The following CSGALNACT1 variants were observed in gnomAD, a reference collection of about 807,000 sequenced individuals.
CSGALNACT1 encodes chondroitin sulfate N-acetylgalactosaminyltransferase 1, also known as beta4GalNAcT-1.
CSGALNACT1 carries 52 observed loss-of-function variants against 51.0 expected under a neutral mutation model. That is an observed-to-expected ratio of 1.02 (90% CI 0.82 to 1.29). CSGALNACT1 has a LOEUF of 1.29. Among genes scored for constraint, CSGALNACT1 ranks in the 50% most tolerant of loss-of-function variants. The probability of loss-of-function intolerance (pLI) is 0.00; values close to 1 mark genes in which losing one functional copy is unlikely to be tolerated. For missense variants in CSGALNACT1, 935 were observed against 679.2 expected (o/e 1.38, Z -4.19); for synonymous variants, 341 against 254.4 (o/e 1.34, Z -3.24).
chr8:19,460,270 A>C (rs1206677982), intron 4 of CSGALNACT1, among the ~76,000 whole-genome samples: 1 of 152,110 alleles, frequency 6.6e-6, no homozygotes, highest in Non-Finnish European at 1.5e-5. Flanking sequence ...AGAGAGAGAG[A>C]GAGAGAAAGA....
At chr8:19,509,775 A>C (rs2078100467) in intron 3 of CSGALNACT1, among the ~76,000 whole-genome samples, 1 of 152,236 alleles carries the variant, frequency 6.6e-6, no homozygotes, top group Non-Finnish European at 1.5e-5. Flanking sequence ...GGAGAATTAA[A>C]GAGTTAAAAT....
At chr8:19,568,684 T>C (rs1457625272) in intron 3 of CSGALNACT1, among the ~76,000 whole-genome samples, 1 of 152,198 alleles carries the variant, frequency 6.6e-6, no homozygotes, top group Non-Finnish European at 1.5e-5. Flanking sequence ...TATGAGATTC[T>C]ATTCAGTCAA....
intron 8 of CSGALNACT1, among the ~76,000 whole-genome samples, chr8:19,415,497 G>A (rs1214081210): frequency 6.6e-6 from 1 of 152,168 alleles, no homozygotes; most frequent in East Asian, 1.9e-4. Flanking sequence ...ACAGCCTGTG[G>A]CAACAATGGA....
chr8:19,692,010 G>A (rs1212331078), intron 1 of CSGALNACT1, among the ~76,000 whole-genome samples: 1 of 152,064 alleles, frequency 6.6e-6, no homozygotes, highest in Non-Finnish European at 1.5e-5. Flanking sequence ...CATGGCAGAA[G>A]GGGAAACAAA....
intron 3 of CSGALNACT1, among the ~76,000 whole-genome samples, chr8:19,541,553 ATTTTT>A (rs1159626193): frequency 5.7e-5 from 4 of 70,098 alleles, no homozygotes; most frequent in Non-Finnish European, 1.0e-4. Context: ...TGCTCAGCCA[ATTTTT>A]TTTTTTTTTT....
chr8:19,409,085 C>A (rs774473902), intron 8 of CSGALNACT1, among the ~76,000 whole-genome samples: 1 of 152,162 alleles, frequency 6.6e-6, no homozygotes, highest in Non-Finnish European at 1.5e-5. Context: ...GCTTGGGCCC[C>A]TTACACAAGC....
intron 1 of CSGALNACT1, among the ~76,000 whole-genome samples, chr8:19,696,839 T>C (rs1246699563): frequency 1.3e-5 from 2 of 152,158 alleles, no homozygotes; most frequent in East Asian, 3.9e-4. Flanking sequence ...GCTTAGATGG[T>C]GCTGAATCTT....
chr8:19,620,835 C>A (rs993373078), intron 1 of CSGALNACT1, among the ~76,000 whole-genome samples: 5 of 152,112 alleles, frequency 3.3e-5, no homozygotes, highest in Non-Finnish European at 7.4e-5. Context: ...TAGCCACGGA[C>A]TGAAAGTTAC....
chr8:19,686,849 T>C (rs900716324), upstream of CSGALNACT1, among the ~76,000 whole-genome samples: 1 of 152,176 alleles, frequency 6.6e-6, no homozygotes, highest in African/African-American at 2.4e-5. Flanking sequence ...AGAGTCATCA[T>C]GGTTGCTGGA....
At chr8:19,541,337 G>GCCT (rs1171524409) in intron 3 of CSGALNACT1, among the ~76,000 whole-genome samples, 4 of 143,928 alleles carry the variant, frequency 2.8e-5, no homozygotes, top group African/African-American at 7.9e-5. Context: ...TGCAAGCTCT[G>GCCT]CCTCCTGGGT....
chr8:19,565,626 A>G (rs1025233909), intron 3 of CSGALNACT1, among the ~76,000 whole-genome samples: 1 of 152,184 alleles, frequency 6.6e-6, no homozygotes, highest in African/African-American at 2.4e-5. Flanking sequence ...TTCTTACATT[A>G]AAGAACTTCA....
At chr8:19,673,692 C>A (rs77114085) in intron 1 of CSGALNACT1, among the ~76,000 whole-genome samples, 9,070 of 152,256 alleles carry the variant, frequency 0.06, 325 homozygotes, top group African/African-American at 0.1. Flanking sequence ...ATGTTCCATA[C>A]CCCAAAGGTG....
At chr8:19,659,700 A>G (rs1223119878) in intron 1 of CSGALNACT1, among the ~76,000 whole-genome samples, 1 of 152,190 alleles carries the variant, frequency 6.6e-6, no homozygotes, top group Non-Finnish European at 1.5e-5. Flanking sequence ...ATCTCTGCCT[A>G]CATTATTGGC....
chr8:19,704,472 G>C (rs2154223371), intron 1 of CSGALNACT1, among the ~76,000 whole-genome samples: 1 of 152,312 alleles, frequency 6.6e-6, no homozygotes, highest in African/African-American at 2.4e-5. Context: ...ATACATTGTT[G>C]ATAGGAGTGT....
intron 6 of CSGALNACT1, among the ~76,000 whole-genome samples, chr8:19,434,752 G>C (rs924888550): frequency 6.6e-6 from 1 of 151,908 alleles, no homozygotes; most frequent in African/African-American, 2.4e-5. Flanking sequence ...CCCAGGGTCC[G>C]AGACTAATTA....
At chr8:19,410,545 G>A (rs17407039) in intron 8 of CSGALNACT1, among the ~76,000 whole-genome samples, 62,173 of 151,992 alleles carry the variant, frequency 0.41, 14,074 homozygotes, top group East Asian at 0.83. Context: ...ATTTAAAAAG[G>A]AACGCTCCGA....
chr8:19,650,561 G>C (rs1174915432), intron 1 of CSGALNACT1, among the ~76,000 whole-genome samples: 3 of 152,186 alleles, frequency 2.0e-5, no homozygotes, highest in Non-Finnish European at 2.9e-5. Context: ...TGGTCGAACA[G>C]AAGATGCTGA....
At chr8:19,554,677 G>T (rs1422323798) in intron 3 of CSGALNACT1, among the ~76,000 whole-genome samples, 2 of 152,138 alleles carry the variant, frequency 1.3e-5, no homozygotes, top group Admixed American at 1.3e-4. Context: ...CAGCACTTTG[G>T]GAGGCTGAGG....
At chr8:19,671,952 G>A (rs1400454443) in intron 1 of CSGALNACT1, among the ~76,000 whole-genome samples, 1 of 152,074 alleles carries the variant, frequency 6.6e-6, no homozygotes, top group Non-Finnish European at 1.5e-5. Flanking sequence ...ATAATTAACT[G>A]TTCTACTCAT....
Sources: allele counts gnomAD v4.1 joint callset (sites outside exome capture counted in the v4.1 genomes callset), GRCh38; gene constraint gnomAD v4.1.1; transcripts MANE v1.5; gene names NCBI Gene and HGNC (gene_info 2026-07-23, HGNC 2026-07-21).